Variants in SARNP observed in about 807,000 individuals in gnomAD.
SARNP encodes SAP domain-containing ribonucleoprotein.
In SARNP, 5 loss-of-function variants were observed where a neutral mutation model predicts 38.1. That is an observed-to-expected ratio of 0.13 (90% CI 0.07 to 0.28). SARNP has a LOEUF of 0.28. Ranked by LOEUF, SARNP falls within the 10% of genes least tolerant of loss-of-function variation. The probability of loss-of-function intolerance (pLI) is 1.00; values close to 1 mark genes in which losing one functional copy is unlikely to be tolerated. For synonymous variants in SARNP, 84 were observed against 80.6 expected (o/e 1.04, Z -0.23); for missense variants, 180 against 243.9 (o/e 0.74, Z 1.75).
intron 9 of SARNP, among the ~76,000 whole-genome samples, chr12:55,772,081 G>A (rs1879024564): frequency 6.6e-6 from 1 of 152,124 alleles, no homozygotes; most frequent in South Asian, 2.1e-4. Flanking sequence ...ATGCCAACCA[G>A]ACGACAGAAC....
At chr12:55,789,189 G>A (rs780213237) in intron 8 of SARNP, 46 bp from the exon 9 acceptor site, 11 of 1,362,486 alleles carry the variant, frequency 8.1e-6, no homozygotes, top group Admixed American at 4.5e-5. Flanking sequence ...AAATCAAAAC[G>A]GAAAACAAAA....
intron 9 of SARNP, among the ~76,000 whole-genome samples, chr12:55,774,909 T>C (rs1879129894): frequency 7.6e-6 from 1 of 131,214 alleles, no homozygotes; most frequent in Non-Finnish European, 1.5e-5. Flanking sequence ...TTTTGGCAGA[T>C]GGAGTCTCGC....
In SARNP at chr12:55,790,603, A is replaced by T. The variant is rs1476665678; in HGVS notation, c.407-11T>A. 1 of 1,511,294 alleles carries T rather than the reference A, an allele frequency of 6.6e-7. No homozygotes were observed. The highest frequency in any genetic ancestry group is 8.9e-7 in the Non-Finnish European group (1 of 1,127,644). The allele number at this position is 1,511,294 out of a possible 1,614,324, so 93.6% of individuals were successfully genotyped here. On this transcript the variant is annotated splice_polypyrimidine_tract_variant and intron_variant, in intron 7 of 10. Transcript: ENST00000336133. ...TATCAGATGACAGACCTAAGGAAGT[A>T]AATAAAGTTTTATTTAATATTTTTA...
intron 4 of SARNP, among the ~76,000 whole-genome samples, chr12:55,796,858 G>C (rs995875219): frequency 2.0e-5 from 3 of 152,118 alleles, no homozygotes; most frequent in Non-Finnish European, 4.4e-5. Context: ...GCTCTAGCTG[G>C]AACAGTCAAA....
intron 5 of SARNP, 89 bp downstream of exon 5, chr12:55,795,936 A>C (rs1362501097): frequency 1.1e-6 from 1 of 936,572 alleles, no homozygotes; most frequent in Non-Finnish European, 1.6e-6. Flanking sequence ...CTGCCTGTGA[A>C]TAAATTTTAG....
chr12:55,774,772 T>C (rs764715556), intron 9 of SARNP, among the ~76,000 whole-genome samples: 1 of 151,740 alleles, frequency 6.6e-6, no homozygotes, highest in African/African-American at 2.4e-5. Flanking sequence ...AGCTCAAGTA[T>C]TTCAAATATA....
At chr12:55,787,187 A>G (rs1442546052) in intron 9 of SARNP, among the ~76,000 whole-genome samples, 1 of 148,994 alleles carries the variant, frequency 6.7e-6, no homozygotes, top group Admixed American at 6.8e-5. Flanking sequence ...AGCTGTGATC[A>G]TGCTACTGCT....
chr12:55,813,021 C>T (rs1231778188), intron 1 of SARNP, among the ~76,000 whole-genome samples: 1 of 151,950 alleles, frequency 6.6e-6, no homozygotes, highest in Non-Finnish European at 1.5e-5. Context: ...ATCTCGGCTC[C>T]TGCAACCTCC....
At chr12:55,766,868 CGCCTCTGCCGCCTA>C (rs949248597) in intron 9 of SARNP, among the ~76,000 whole-genome samples, 2 of 151,568 alleles carry the variant, frequency 1.3e-5, no homozygotes, top group African/African-American at 4.9e-5. Context: ...GCAATCTACC[CGCCTCTGCCGCCTA>C]GTCTCTGCCT....
At chr12:55,769,368 C>T (rs1878939268) in intron 9 of SARNP, among the ~76,000 whole-genome samples, 1 of 152,204 alleles carries the variant, frequency 6.6e-6, no homozygotes, top group Non-Finnish European at 1.5e-5. Flanking sequence ...AGAACCTTAA[C>T]TTCACGAGGC....
At chr12:55,802,586 T>G (rs1880011355) in intron 2 of SARNP, among the ~76,000 whole-genome samples, 1 of 151,836 alleles carries the variant, frequency 6.6e-6, no homozygotes, top group African/African-American at 2.4e-5. Context: ...ACAAATAAAT[T>G]TTGTGTTTAG....
intron 9 of SARNP, among the ~76,000 whole-genome samples, chr12:55,766,190 C>T (rs912618158): frequency 3.9e-5 from 6 of 152,174 alleles, no homozygotes; most frequent in Non-Finnish European, 5.9e-5. Context: ...CCCCACTACC[C>T]TCTCTCAAAC....
chr12:55,791,022 AAT>A (rs1338041998), intron 7 of SARNP, among the ~76,000 whole-genome samples: 10 of 152,258 alleles, frequency 6.6e-5, no homozygotes, highest in Non-Finnish European at 1.5e-4. Flanking sequence ...AATAAAAATG[AAT>A]AGAGATACAT....
At chr12:55,809,400 T>C (rs536867599) in intron 1 of SARNP, among the ~76,000 whole-genome samples, 36 of 151,540 alleles carry the variant, frequency 2.4e-4, no homozygotes, top group Non-Finnish European at 3.7e-4. Flanking sequence ...GCCATGATCA[T>C]GCCACTGCAC....
intron 9 of SARNP, among the ~76,000 whole-genome samples, chr12:55,770,660 A>G (rs907972847): frequency 6.6e-6 from 1 of 152,120 alleles, no homozygotes; most frequent in Admixed American, 6.5e-5. Context: ...AATACCACAG[A>G]TATTTTCTAA....
intron 9 of SARNP, among the ~76,000 whole-genome samples, chr12:55,785,678 G>A (rs548475129): frequency 6.6e-6 from 1 of 151,896 alleles, no homozygotes; most frequent in African/African-American, 2.4e-5. Flanking sequence ...AGGAGGGTGA[G>A]GTGGGAAAAA....
At chr12:55,796,198 A>G (rs1592575185) in intron 4 of SARNP, 122 bp from the exon 5 acceptor site, 1 of 662,946 alleles carries the variant, frequency 1.5e-6, no homozygotes, top group Non-Finnish European at 2.6e-6. Context: ...CCACCCCCTA[A>G]GCCAAAGAAA....
intron 1 of SARNP, among the ~76,000 whole-genome samples, chr12:55,808,846 C>T (rs1380521541): frequency 6.6e-6 from 1 of 152,146 alleles, no homozygotes; most frequent in African/African-American, 2.4e-5. Context: ...TATTTCAGCA[C>T]AATTACATTA....
intron 9 of SARNP, among the ~76,000 whole-genome samples, chr12:55,769,930 C>T (rs1048723604): frequency 2.0e-5 from 3 of 152,118 alleles, no homozygotes; most frequent in African/African-American, 4.8e-5. Flanking sequence ...TGACTTAAGA[C>T]GGGTTTTTAT....
Sources: gnomAD v4.1 joint callset for allele counts (sites outside exome capture counted in the v4.1 genomes callset) on GRCh38, gnomAD v4.1.1 for gene constraint, MANE v1.5 for transcripts, NCBI Gene and HGNC (gene_info 2026-07-23, HGNC 2026-07-21) for gene names.